Variants in KIAA1217 observed in about 807,000 individuals in gnomAD.
KIAA1217 encodes KIAA1217.
A neutral mutation model predicts 163.9 loss-of-function variants in KIAA1217; 88 were observed. The observed-to-expected ratio is 0.54, with a 90% CI of 0.45 to 0.64. The LOEUF (loss-of-function observed/expected upper bound fraction) is 0.64. Among genes scored for constraint, KIAA1217 ranks in the 30% least tolerant of loss-of-function variants. KIAA1217 has a pLI of 0.00. For missense variants in KIAA1217, 2,372 were observed against 2,475.0 expected, an observed-to-expected ratio of 0.96 and a Z score of 0.88; for synonymous variants, 903 against 923.1, an observed-to-expected ratio of 0.98 and a Z score of 0.39.
chr10:23,810,542 T>G lies in KIAA1217; in HGVS notation c.-321+115308T>G, dbSNP rs1029326167. On this transcript the variant is annotated intron_variant, in intron 1 of 18. Transcript: ENST00000376462. The stretch of plus-strand genomic sequence containing the variant: ...GATAATCTATATATAGTATATATAG[T>G]ATAATCTATATATAGTATATATAGT... Among the ~76,000 whole-genome samples, 8 of 131,824 alleles carry G rather than the reference T, an allele frequency of 6.1e-5. No individual in the cohort carries two copies. The South Asian group carries it at 1.6e-3, about 26-fold the overall frequency. 86.5% of individuals were successfully genotyped at this position (131,824 alleles called of 152,430 possible).
intron 2 of KIAA1217, among the ~76,000 whole-genome samples, chr10:24,234,619 G>T (rs374092026): frequency 3.7e-5 from 5 of 135,342 alleles, no homozygotes; most frequent in Non-Finnish European, 7.6e-5. Context: ...AGATCATGCC[G>T]CTGCACTCCA....
At chr10:23,745,999 A>C (rs1839393526) in intron 1 of KIAA1217, among the ~76,000 whole-genome samples, 1 of 152,162 alleles carries the variant, frequency 6.6e-6, no homozygotes, top group Non-Finnish European at 1.5e-5. Context: ...GTCATTCACC[A>C]TGTTCCCTGC....
At chr10:24,208,415 G>A (rs1488235815), upstream of KIAA1217, among the ~76,000 whole-genome samples, 1 of 151,680 alleles carries the variant, frequency 6.6e-6, no homozygotes, top group African/African-American at 2.4e-5. Context: ...GTGTGTTGGG[G>A]GAGGGAGGAG....
At chr10:24,058,930 A>T (rs1352413741) in intron 2 of KIAA1217, among the ~76,000 whole-genome samples, 1 of 152,154 alleles carries the variant, frequency 6.6e-6, no homozygotes, top group Non-Finnish European at 1.5e-5. Flanking sequence ...GAATAGAAGT[A>T]GTAAGAGTGA....
At chr10:24,251,673 C>G (rs534725621) in intron 2 of KIAA1217, among the ~76,000 whole-genome samples, 1 of 152,140 alleles carries the variant, frequency 6.6e-6, no homozygotes, top group African/African-American at 2.4e-5. Flanking sequence ...ATGCCTAACT[C>G]CTGTTGTAAA....
intron 1 of KIAA1217, among the ~76,000 whole-genome samples, chr10:23,740,906 G>A (rs1176140917): frequency 6.6e-6 from 1 of 151,990 alleles, no homozygotes; most frequent in Non-Finnish European, 1.5e-5. Flanking sequence ...CCAGCCTGGG[G>A]GACAGAGCAA....
At chr10:24,029,050 C>T (rs531080207) in intron 2 of KIAA1217, among the ~76,000 whole-genome samples, 1 of 152,216 alleles carries the variant, frequency 6.6e-6, no homozygotes, top group Admixed American at 6.5e-5. Context: ...TGTGCAATAA[C>T]ATTAGAACAT....
intron 3 of KIAA1217, among the ~76,000 whole-genome samples, chr10:24,429,014 T>C (rs1253841590): frequency 1.3e-5 from 2 of 152,110 alleles, no homozygotes. Flanking sequence ...TAAGAAATAG[T>C]ATGGAGAATG....
intron 2 of KIAA1217, among the ~76,000 whole-genome samples, chr10:24,324,423 C>G (rs1019793176): frequency 6.6e-6 from 1 of 152,026 alleles, no homozygotes; most frequent in Non-Finnish European, 1.5e-5. Flanking sequence ...AAAAATTAGC[C>G]AGGCATGGTG....
Position 24,064,885 on chromosome 10 carries a change from G to C in KIAA1217, c.-171+57511G>C, listed in dbSNP as rs1052998491. 4.5e-4 allele frequency among the ~76,000 whole-genome samples: 68 copies of C among 151,976 alleles called. 1 individual carries two copies. Among genetic ancestry groups the C allele is most frequent in the Admixed American group, 3.9e-4 (6 of 15,236 alleles). ...TTAGTCTTGGGAGACTGTATGTGTC[G>C]AGGAATTTATCCATTTCTTCTAGAT... On this transcript the variant is annotated intron_variant, in intron 2 of 18. Transcript: ENST00000376462.
chr10:24,544,269 G>A lies in KIAA1217; in HGVS notation c.4999G>A (p.Asp1667Asn), dbSNP rs774700202. 4 of 1,614,114 alleles carry A rather than the reference G, an allele frequency of 2.5e-6. No individual in the cohort carries two copies. Among genetic ancestry groups the A allele is most frequent in the Non-Finnish European group, 2.5e-6 (3 of 1,180,026 alleles). ...EIRKNTYRTL[D>N]SLEQTIKQLE... ...TAGAAAAAACACCTACAGAACATTG[G>A]ATAGCCTGGAGCAGACCATTAAACA... is the stretch of plus-strand genomic sequence containing the variant. Residue 1667 changes from aspartate (D) to asparagine (N), a missense_variant, in exon 19 of 21, where the codon GAT (aspartate) becomes AAT (asparagine). This residue lies in a region of KIAA1217 where 690 missense variants were observed against 677.5 expected (regional missense o/e 1.02). Coordinates refer to ENST00000376454, the MANE Select transcript of KIAA1217 (RefSeq NM_019590.5).
Position 24,219,748 on chromosome 10 carries a change from AG to A in KIAA1217, c.195del (p.Arg66AspfsTer4). On this transcript the variant is annotated frameshift_variant, in exon 2 of 21. Coordinates refer to ENST00000376454, the MANE Select transcript of KIAA1217 (RefSeq NM_019590.5). LOFTEE classifies it high-confidence loss of function. ...TTCCAAGTCTTCCCGCAATATCCCA[AG>A]GAGACACACCCTAGGGGGGCCCCGA... is the stretch of plus-strand genomic sequence containing the variant. ...SVSKSSRNIP[R>X]RHTLGGPRSS... 2 of 1,614,024 alleles carry A rather than the reference AG, an allele frequency of 1.2e-6. No homozygotes were observed. The highest frequency in any genetic ancestry group is 1.7e-6 in the Non-Finnish European group (2 of 1,179,934).
intron 1 of KIAA1217, among the ~76,000 whole-genome samples, chr10:23,985,463 C>G (rs1845933242): frequency 6.6e-6 from 1 of 152,158 alleles, no homozygotes; most frequent in African/African-American, 2.4e-5. Context: ...TTTCCATGTT[C>G]TGAGTTACCA....
intron 1 of KIAA1217, among the ~76,000 whole-genome samples, chr10:23,902,784 G>A (rs1253872280): frequency 2.2e-4 from 34 of 152,116 alleles, no homozygotes; most frequent in Admixed American, 2.2e-3. Context: ...CAATATGGTG[G>A]CTGAACTGCC....
At chr10:23,871,302 T>A (rs1012349510) in intron 1 of KIAA1217, among the ~76,000 whole-genome samples, 7 of 152,044 alleles carry the variant, frequency 4.6e-5, no homozygotes, top group Admixed American at 6.6e-5. Flanking sequence ...GAAGAGATAG[T>A]CAGTTTCTAG....
intron 1 of KIAA1217, among the ~76,000 whole-genome samples, chr10:23,839,285 C>G (rs1838653464): frequency 6.6e-6 from 1 of 152,156 alleles, no homozygotes; most frequent in Admixed American, 6.6e-5. Context: ...TGCTGACAAT[C>G]TTCTTGTGAA....
chr10:24,025,631 C>T (rs748040329), intron 2 of KIAA1217, among the ~76,000 whole-genome samples: 2 of 151,646 alleles, frequency 1.3e-5, no homozygotes, highest in Non-Finnish European at 3.0e-5. Context: ...AAATAGTTTT[C>T]CAATTCATGA....
chr10:23,968,348 G>A (rs1174789545), intron 1 of KIAA1217, among the ~76,000 whole-genome samples: 1 of 152,152 alleles, frequency 6.6e-6, no homozygotes, highest in Non-Finnish European at 1.5e-5. Context: ...TGCTTGATAG[G>A]GAAGGCTCTG....
intron 2 of KIAA1217, among the ~76,000 whole-genome samples, chr10:24,113,566 CT>C (rs2062937815): frequency 2.0e-5 from 3 of 152,316 alleles, no homozygotes; most frequent in Middle Eastern, 3.4e-3. Flanking sequence ...CGCAAAATCA[CT>C]GGAAAGGCTA....
Sources: allele counts gnomAD v4.1 joint callset (sites outside exome capture counted in the v4.1 genomes callset), GRCh38; gene constraint gnomAD v4.1.1; regional missense constraint gnomAD v4.1.1; transcripts MANE v1.5; gene names NCBI Gene and HGNC (gene_info 2026-07-23, HGNC 2026-07-21).